Variants in SFMBT2 observed in about 807,000 individuals in gnomAD.
SFMBT2 encodes the protein Scm like with four mbt domains 2, also known as scm-like with four MBT domains protein 2.
In SFMBT2, 38 loss-of-function variants were observed where a neutral mutation model predicts 110.1. The observed-to-expected ratio is 0.35, with a 90% CI of 0.27 to 0.45. The LOEUF (loss-of-function observed/expected upper bound fraction) is 0.45, where lower values mean the gene tolerates loss of function less well. SFMBT2 is among the 20% of genes least tolerant of loss of function. The pLI is 1.00. For synonymous variants in SFMBT2, 425 were observed against 425.4 expected (o/e 1.00, Z 0.01); for missense variants, 1,011 against 1,094.9 (o/e 0.92, Z 1.08).
At chr10:7,277,785 A>G (rs552276569) in intron 6 of SFMBT2, among the ~76,000 whole-genome samples, 7 of 152,240 alleles carry the variant, frequency 4.6e-5, no homozygotes, top group Non-Finnish European at 8.8e-5. Context: ...TGCCTTCAAT[A>G]TATCAACCCA....
At chr10:7,372,631 A>G (rs549666273) in intron 2 of SFMBT2, among the ~76,000 whole-genome samples, 4 of 152,196 alleles carry the variant, frequency 2.6e-5, no homozygotes, top group African/African-American at 9.7e-5. Context: ...CTAGAGAGAA[A>G]GCAGCCGTCT....
chr10:7,287,468 T>C, intron 4 of SFMBT2: 1 of 243,316 alleles, frequency 4.1e-6, no homozygotes, highest in Non-Finnish European at 6.6e-6. Context: ...GCATATCTCT[T>C]TGGCATGTCT....
chr10:7,284,284 C>T (rs1453051768), intron 5 of SFMBT2, 134 bp from the exon 6 acceptor site: 3 of 1,468,834 alleles, frequency 2.0e-6, no homozygotes, highest in Non-Finnish European at 2.7e-6. Context: ...GTTCCCTCCA[C>T]CCCATCCTTG....
intron 4 of SFMBT2, among the ~76,000 whole-genome samples, chr10:7,345,721 C>A (rs1470561013): frequency 6.6e-6 from 1 of 152,212 alleles, no homozygotes; most frequent in Middle Eastern, 3.2e-3. Flanking sequence ...GTTGGAGTAT[C>A]AACAAGCTGC....
At chr10:7,309,112 A>C (rs1335396221) in intron 4 of SFMBT2, among the ~76,000 whole-genome samples, 1 of 152,194 alleles carries the variant, frequency 6.6e-6, no homozygotes, top group Admixed American at 6.5e-5. Flanking sequence ...AACATTTGAA[A>C]TTGTAGACTG....
intron 7 of SFMBT2, among the ~76,000 whole-genome samples, chr10:7,274,412 ATGT>A (rs1369838487): frequency 6.6e-6 from 1 of 152,054 alleles, no homozygotes; most frequent in Admixed American, 6.5e-5. Context: ...TAATCCCCAC[ATGT>A]TGTGGGGACG....
chr10:7,220,651 G>A (rs1466968265), intron 10 of SFMBT2, 114 bp from the exon 11 acceptor site: 1 of 1,055,786 alleles, frequency 9.5e-7, no homozygotes, highest in African/African-American at 1.6e-5. Flanking sequence ...GACAAGACAG[G>A]CTCACGTATG....
chr10:7,177,149 A>G (rs1340987629), intron 16 of SFMBT2, among the ~76,000 whole-genome samples: 3 of 152,080 alleles, frequency 2.0e-5, no homozygotes, highest in Non-Finnish European at 4.4e-5. Context: ...CTGAACATGC[A>G]CACCTTCACC....
chr10:7,304,569 C>T (rs1451039381), intron 4 of SFMBT2, among the ~76,000 whole-genome samples: 4 of 152,192 alleles, frequency 2.6e-5, no homozygotes, highest in Non-Finnish European at 5.9e-5. Context: ...AGTGTCAGAA[C>T]TCCCAAACTC....
intron 10 of SFMBT2, among the ~76,000 whole-genome samples, chr10:7,225,983 C>A (rs905172939): frequency 3.3e-5 from 5 of 152,182 alleles, no homozygotes; most frequent in Non-Finnish European, 5.9e-5. Flanking sequence ...TCAGAGTTAA[C>A]CAGCTGCAGT....
At chr10:7,397,291 T>C (rs1845952540) in intron 1 of SFMBT2, among the ~76,000 whole-genome samples, 1 of 152,076 alleles carries the variant, frequency 6.6e-6, no homozygotes, top group Non-Finnish European at 1.5e-5. Flanking sequence ...AAAATGGCAT[T>C]TGTGCTAAGT....
chr10:7,205,676 T>G, intron 12 of SFMBT2, 139 bp downstream of exon 12: 1 of 1,399,154 alleles, frequency 7.1e-7, no homozygotes, highest in Non-Finnish European at 9.3e-7. Flanking sequence ...AGCGAGATCA[T>G]GAAAACATGG....
At chr10:7,330,138 A>C (rs990113781) in intron 4 of SFMBT2, among the ~76,000 whole-genome samples, 4 of 152,044 alleles carry the variant, frequency 2.6e-5, no homozygotes, top group Non-Finnish European at 5.9e-5. Context: ...TTTTTTAGAG[A>C]AGGGGGATCT....
At chr10:7,344,716 C>T (rs765344024) in intron 4 of SFMBT2, among the ~76,000 whole-genome samples, 2 of 151,896 alleles carry the variant, frequency 1.3e-5, no homozygotes, top group Non-Finnish European at 2.9e-5. Context: ...CCTGTAATCC[C>T]AGCACTTTGG....
chr10:7,319,967 G>A (rs552827858), intron 4 of SFMBT2, among the ~76,000 whole-genome samples: 3 of 135,506 alleles, frequency 2.2e-5, no homozygotes, highest in Admixed American at 1.5e-4. Flanking sequence ...AGAGAGAGAT[G>A]AAGACAGAGA....
At chr10:7,275,603 C>T (rs1455700303) in intron 7 of SFMBT2, among the ~76,000 whole-genome samples, 1 of 152,178 alleles carries the variant, frequency 6.6e-6, no homozygotes. Flanking sequence ...CGGTCAATAT[C>T]ATGCTAACAG....
chr10:7,370,434 G>A (rs1845030791), intron 2 of SFMBT2, 59 bp from the exon 3 acceptor site: 2 of 1,371,700 alleles, frequency 1.5e-6, no homozygotes, highest in Non-Finnish European at 2.1e-6. Flanking sequence ...AAAGGTGCTG[G>A]CCTGCAACTG....
At chr10:7,394,384 G>A (rs1212014203) in intron 1 of SFMBT2, among the ~76,000 whole-genome samples, 1 of 151,590 alleles carries the variant, frequency 6.6e-6, no homozygotes, top group Non-Finnish European at 1.5e-5. Flanking sequence ...TCTCCTGCTT[G>A]GGGACCACTT....
intron 16 of SFMBT2, among the ~76,000 whole-genome samples, chr10:7,179,144 G>T (rs1215928248): frequency 2.0e-5 from 3 of 151,914 alleles, no homozygotes; most frequent in Non-Finnish European, 2.9e-5. Flanking sequence ...TCATATCCCA[G>T]CCCCTGGGTG....
Sources: gnomAD v4.1 joint callset for allele counts (sites outside exome capture counted in the v4.1 genomes callset) on GRCh38, gnomAD v4.1.1 for gene constraint, MANE v1.5 for transcripts, NCBI Gene and HGNC (gene_info 2026-07-23, HGNC 2026-07-21) for gene names.